Variants in TSHZ3 observed in about 807,000 individuals in gnomAD.
TSHZ3 encodes teashirt zinc finger homeobox 3, also known as teashirt homolog 3.
In TSHZ3, 10 loss-of-function variants were observed where a neutral mutation model predicts 64.5. That is an observed-to-expected ratio of 0.16 (90% CI 0.10 to 0.26). The LOEUF is 0.26. TSHZ3 is among the 10% of genes least tolerant of loss of function. TSHZ3 has a pLI of 1.00. For missense variants in TSHZ3, 1,242 were observed against 1,421.7 expected, an observed-to-expected ratio of 0.87 and a Z score of 2.03; for synonymous variants, 608 against 593.1, an observed-to-expected ratio of 1.03 and a Z score of -0.36.
At chr19:31,185,709 G>A (rs1001012522) in intron 5 of TSHZ3, among the ~76,000 whole-genome samples, 4 of 152,294 alleles carry the variant, frequency 2.6e-5, no homozygotes, top group Admixed American at 2.6e-4. Context: ...AGACACATAA[G>A]TGTAGAGACA....
At position 31,255,130 on chromosome 19, in the gene TSHZ3, C is replaced by G. The variant is rs1013523; in HGVS notation, n.64-12255G>C. Among the ~76,000 whole-genome samples, 3 of 152,006 alleles carry G rather than the reference C, an allele frequency of 2.0e-5. No homozygotes were observed. The South Asian group carries it at 6.2e-4, about 32-fold the overall frequency. ...CTCTCTGGTGACTGGAGAAGGAAAA[C>G]GAAGGAGATGAGGTTTCCACTGTTG... is the stretch of plus-strand genomic sequence containing the variant. On this transcript the variant is annotated intron_variant and non_coding_transcript_variant, in intron 1 of 6. Transcript: ENST00000651361.
rs1399957646 is a variant in TSHZ3 at position 31,349,301 on chromosome 19, CG to C, written c.-83del. 17 of 1,397,902 alleles carry C rather than the reference CG, an allele frequency of 1.2e-5. No individual in the cohort carries two copies. The East Asian group carries it at 2.9e-4, about 24-fold the overall frequency. The allele number at this position is 1,397,902 out of a possible 1,614,324, so 86.6% of individuals were successfully genotyped here. A position where few individuals can be genotyped will look rare whatever the true frequency, so the allele number is the denominator to read the frequency against. On this transcript the variant is annotated 5_prime_UTR_variant, in exon 1 of 2. Coordinates refer to ENST00000240587, the MANE Select transcript of TSHZ3 (RefSeq NM_020856.4). ...AGGGAGGGAGGGGGCGGCGGGCCCGCGGGGGGGCGAGGCGGGCCTGCTCTCA... is the reference window on the plus strand; with the variant it reads ...AGGGAGGGAGGGGGCGGCGGGCCCGCGGGGGGCGAGGCGGGCCTGCTCTCA...
At chr19:31,197,303 A>G (rs1975006803) in intron 5 of TSHZ3, among the ~76,000 whole-genome samples, 1 of 151,936 alleles carries the variant, frequency 6.6e-6, no homozygotes, top group Non-Finnish European at 1.5e-5. Flanking sequence ...GATGCAGCAA[A>G]AGCAGTGCTT....
chr19:31,267,721 G>A (rs1048284371), intron 1 of TSHZ3, among the ~76,000 whole-genome samples: 3 of 152,162 alleles, frequency 2.0e-5, no homozygotes, highest in South Asian at 4.1e-4. Flanking sequence ...AGGGGTGAGG[G>A]TAGAGGGCAT....
intron 1 of TSHZ3, among the ~76,000 whole-genome samples, chr19:31,335,851 C>T (rs1259792100): frequency 6.6e-6 from 1 of 152,176 alleles, no homozygotes; most frequent in African/African-American, 2.4e-5. Context: ...GCATTCATTA[C>T]AGAAGGTGGA....
chr19:31,159,154 C>T (rs1974340740), intron 5 of TSHZ3, among the ~76,000 whole-genome samples: 1 of 152,202 alleles, frequency 6.6e-6, no homozygotes, highest in Admixed American at 6.5e-5. Flanking sequence ...CACCCATCAC[C>T]ACACCCAGCT....
intron 5 of TSHZ3, among the ~76,000 whole-genome samples, chr19:31,187,810 A>C (rs1019049201): frequency 6.6e-6 from 1 of 152,080 alleles, no homozygotes. Flanking sequence ...CACCAATGCA[A>C]ACTGTCTTGA....
At chr19:31,346,827 C>T (rs888339528) in intron 1 of TSHZ3, among the ~76,000 whole-genome samples, 3 of 151,562 alleles carry the variant, frequency 2.0e-5, no homozygotes, top group Admixed American at 2.0e-4. Context: ...ATACTTATCA[C>T]CAGCCTAAAT....
intron 1 of TSHZ3, among the ~76,000 whole-genome samples, chr19:31,344,672 G>T (rs1599662372): frequency 6.6e-6 from 1 of 152,212 alleles, no homozygotes; most frequent in African/African-American, 2.4e-5. Context: ...ACCACAAGAG[G>T]TCCAGGCACT....
chr19:31,202,425 C>T (rs1975101489), intron 5 of TSHZ3, among the ~76,000 whole-genome samples: 1 of 151,796 alleles, frequency 6.6e-6, no homozygotes, highest in Non-Finnish European at 1.5e-5. Flanking sequence ...ATGTGATATT[C>T]CAAGCTATTT....
intron 5 of TSHZ3, among the ~76,000 whole-genome samples, chr19:31,178,378 A>G (rs1974645284): frequency 6.6e-6 from 1 of 152,120 alleles, no homozygotes; most frequent in African/African-American, 2.4e-5. Flanking sequence ...TTAACAGTCC[A>G]TGTTAAATGT....
At chr19:31,239,267 T>C (rs1975659839) in intron 3 of TSHZ3, among the ~76,000 whole-genome samples, 1 of 152,130 alleles carries the variant, frequency 6.6e-6, no homozygotes, top group Non-Finnish European at 1.5e-5. Context: ...AGTGTTATTA[T>C]TTATGTGATA....
rs898661877 is a variant in TSHZ3 at position 31,349,196 on chromosome 19, C to G, written c.24G>C (p.Ala8=). Residue 8 remains alanine (A), a synonymous_variant, in exon 1 of 2, where the codon GCG becomes GCC. Coordinates refer to ENST00000240587, the MANE Select transcript of TSHZ3 (RefSeq NM_020856.4). The stretch of plus-strand genomic sequence containing the variant: ...GGCTCGTACCTGCTGCGCGCCGGGG[C>G]GCCTGCTGCTTCCTCCTCGGCATGA... MPRRKQQ[A]PRRAAAYVSE... The G allele has an allele frequency of 1.9e-6, 3 of 1,541,904 alleles. No individual in the cohort carries two copies. The highest frequency in any genetic ancestry group is 1.7e-4 in the Middle Eastern group (1 of 5,720).
At chr19:31,281,466 C>T (rs192884041) in intron 1 of TSHZ3, among the ~76,000 whole-genome samples, 4 of 152,296 alleles carry the variant, frequency 2.6e-5, no homozygotes, top group Admixed American at 2.6e-4. Context: ...TACTTCTGCT[C>T]ATTTGCCAAC....
In TSHZ3 at chr19:31,278,164, G is replaced by A; in HGVS notation, c.1629C>T (p.Ser543=). ...CATGGATGCTGGGATAGCCCCCCCA[G>A]CTAGGAGTGCCGTTCTGGGCCTTGT... ...AINKAQNGTP[S]WGGYPSIHAA... Residue 543 remains serine (S), a synonymous_variant, in exon 2 of 2, where the codon AGC becomes AGT. Transcript: ENST00000240587. The surrounding 1 kb of genome is among the most constrained non-coding windows in gnomAD (Gnocchi z 4.7). 6.2e-7 allele frequency: 1 copy of A among 1,614,174 alleles called. No homozygotes were observed. The highest frequency in any genetic ancestry group is 8.5e-7 in the Non-Finnish European group (1 of 1,180,024).
intron 1 of TSHZ3, among the ~76,000 whole-genome samples, chr19:31,313,908 C>A (rs755912135): frequency 6.6e-6 from 1 of 152,224 alleles, no homozygotes. Flanking sequence ...CTGCAACCTG[C>A]AGCACACAAT....
At chr19:31,265,404 A>C (rs1457338101) in intron 1 of TSHZ3, among the ~76,000 whole-genome samples, 1 of 148,338 alleles carries the variant, frequency 6.7e-6, no homozygotes, top group East Asian at 1.9e-4. Flanking sequence ...TCTCAAAAAA[A>C]AAAAAAAAAA....
At chr19:31,315,515 T>C (rs72623843) in intron 1 of TSHZ3, among the ~76,000 whole-genome samples, 12,632 of 152,278 alleles carry the variant, frequency 0.083, 859 homozygotes, top group East Asian at 0.35. Flanking sequence ...GGGCCCCTCC[T>C]GCCCTCTGCC....
chr19:31,255,876 G>A (rs1365872071), intron 1 of TSHZ3, among the ~76,000 whole-genome samples: 1 of 152,196 alleles, frequency 6.6e-6, no homozygotes, highest in Admixed American at 6.5e-5. Flanking sequence ...AGGGGCTAGT[G>A]TTGGGGTGAT....
Sources: allele counts gnomAD v4.1 joint callset (sites outside exome capture counted in the v4.1 genomes callset), GRCh38; gene constraint gnomAD v4.1.1; non-coding constraint Gnocchi (gnomAD v3.1); transcripts MANE v1.5; gene names NCBI Gene and HGNC (gene_info 2026-07-23, HGNC 2026-07-21).